The following LIPA variants were observed in gnomAD, a reference collection of about 807,000 sequenced individuals.
LIPA encodes lysosomal acid lipase/cholesteryl ester hydrolase.
Under a neutral mutation model 40.6 loss-of-function variants are expected in LIPA, and 26 were observed. The observed-to-expected ratio is 0.64, with a 90% CI of 0.47 to 0.89. LIPA has a LOEUF of 0.89. Among genes scored for constraint, LIPA ranks in the 40% least tolerant of loss-of-function variants. The pLI, the probability that LIPA is intolerant of heterozygous loss-of-function variation, is 0.00. For missense variants in LIPA, 455 were observed against 479.6 expected (o/e 0.95, Z 0.48); for synonymous variants, 188 against 168.4 (o/e 1.12, Z -0.90).
chr10:89,403,293 G>C, intron 2 of LIPA: 1 of 1,614,134 alleles, frequency 6.2e-7, no homozygotes, highest in Non-Finnish European at 8.5e-7. Flanking sequence ...GCCCACATTT[G>C]AGGTGGCTCA....
intron 1 of LIPA, among the ~76,000 whole-genome samples, chr10:89,314,353 G>C (rs1318288663): frequency 6.6e-6 from 1 of 152,234 alleles, no homozygotes; most frequent in African/African-American, 2.4e-5. Context: ...GTTCAAATCT[G>C]CATGTGTACA....
At position 89,339,277 on chromosome 10, in the gene LIPA, T is replaced by C. The variant is rs1843806564; in HGVS notation, c.-2+3334A>G. ...CATTGAGCTGAGTCCTGATAACCAA[T>C]ACGTCAAGGTTCTCTTGGGCCTGAA... On this transcript the variant is annotated intron_variant, in intron 1 of 5. Coordinates refer to the LIPA transcript ENST00000282673. 2 of 1,614,150 alleles carry C rather than the reference T, an allele frequency of 1.2e-6. No homozygotes were observed. The highest frequency in any genetic ancestry group is 1.7e-5 in the Admixed American group (1 of 60,014).
chr10:89,355,939 T>C (rs1199822364), intron 2 of LIPA, among the ~76,000 whole-genome samples: 1 of 152,236 alleles, frequency 6.6e-6, no homozygotes, highest in South Asian at 2.1e-4. Context: ...AGAATACTCA[T>C]GAATAATCCA....
upstream of LIPA, among the ~76,000 whole-genome samples, chr10:89,345,419 C>T (rs1308339153): frequency 2.0e-5 from 3 of 151,914 alleles, no homozygotes; most frequent in Non-Finnish European, 4.4e-5. Flanking sequence ...ATCTCAGCTA[C>T]TCAGGAGGCT....
At chr10:89,381,287 G>C (rs1349841011) in intron 2 of LIPA, among the ~76,000 whole-genome samples, 1 of 152,050 alleles carries the variant, frequency 6.6e-6, no homozygotes, top group Non-Finnish European at 1.5e-5. Flanking sequence ...GGACGATTTG[G>C]GTCAAAAACT....
chr10:89,393,456 G>A (rs918453480), intron 2 of LIPA: 2 of 462,962 alleles, frequency 4.3e-6, no homozygotes, highest in Non-Finnish European at 7.0e-6. Flanking sequence ...ACTTAGGCCG[G>A]GCAAGGGGGC....
chr10:89,225,259 T>C, intron 5 of LIPA, 31 bp from the exon 6 acceptor site: 1 of 1,613,644 alleles, frequency 6.2e-7, no homozygotes. Flanking sequence ...AAACAGGAAT[T>C]CCATCATCTG....
At chr10:89,293,530 C>A (rs1843389116) in intron 1 of LIPA, 1 of 152,096 alleles carries the variant, frequency 6.6e-6, no homozygotes, top group Admixed American at 6.5e-5. Flanking sequence ...AATGAAAAAT[C>A]ACAGACTAGG....
chr10:89,249,866 T>C (rs1440060507), intron 1 of LIPA, among the ~76,000 whole-genome samples: 5 of 152,212 alleles, frequency 3.3e-5, no homozygotes, highest in South Asian at 2.1e-4. Flanking sequence ...AATTGTACAA[T>C]TGAAATATGC....
At chr10:89,226,838 G>A in intron 5 of LIPA, 57 bp downstream of exon 5, 1 of 1,044,808 alleles carries the variant, frequency 9.6e-7, no homozygotes, top group East Asian at 2.4e-5. Context: ...TTTAAGAAAA[G>A]TACAAACTCT....
At chr10:89,319,368 G>C (rs1302118150) in intron 1 of LIPA, among the ~76,000 whole-genome samples, 1 of 152,178 alleles carries the variant, frequency 6.6e-6, no homozygotes, top group Non-Finnish European at 1.5e-5. Flanking sequence ...AATTAAAAAT[G>C]ATAAAGGGGA....
At chr10:89,237,208 A>G (rs933480638) in intron 3 of LIPA, among the ~76,000 whole-genome samples, 3 of 152,228 alleles carry the variant, frequency 2.0e-5, no homozygotes, top group Non-Finnish European at 4.4e-5. Context: ...TGAGCCAAGG[A>G]GTTTGAGGTT....
intron 8 of LIPA, among the ~76,000 whole-genome samples, chr10:89,217,784 T>C (rs1043743942): frequency 2.2e-4 from 33 of 152,366 alleles, no homozygotes; most frequent in Admixed American, 1.4e-3. Flanking sequence ...TAGAATTGTA[T>C]GCAGTTGATA....
At chr10:89,353,984 C>T (rs1843975426) in intron 2 of LIPA, among the ~76,000 whole-genome samples, 1 of 152,080 alleles carries the variant, frequency 6.6e-6, no homozygotes, top group Admixed American at 6.6e-5. Flanking sequence ...ACTTCACTTC[C>T]CCTTATTCCT....
At chr10:89,332,345 A>G (rs145159149) in intron 1 of LIPA, 7 of 610,132 alleles carry the variant, frequency 1.1e-5, no homozygotes, top group East Asian at 9.4e-5. Context: ...TTCTTTTTAC[A>G]GTGCCTTTTT....
intron 1 of LIPA, among the ~76,000 whole-genome samples, chr10:89,283,256 T>C (rs1843325397): frequency 6.6e-6 from 1 of 152,206 alleles, no homozygotes; most frequent in African/African-American, 2.4e-5. Flanking sequence ...CACTTCCATT[T>C]CTGTACCTCA....
intron 1 of LIPA, among the ~76,000 whole-genome samples, chr10:89,264,249 C>T (rs1276854854): frequency 6.6e-6 from 1 of 152,174 alleles, no homozygotes; most frequent in Non-Finnish European, 1.5e-5. Context: ...TGTCCCACAT[C>T]CAGGAAGAAT....
intron 1 of LIPA, among the ~76,000 whole-genome samples, chr10:89,413,169 T>C (rs58769986): frequency 0.11 from 17,240 of 152,258 alleles, 2,288 homozygotes; most frequent in African/African-American, 0.32. Context: ...GCTCTGTATT[T>C]AGAGTTCATA....
chr10:89,378,016 A>G lies in LIPA; in HGVS notation c.61+34775T>C, dbSNP rs569798442. 7.7e-6 allele frequency: 8 copies of G among 1,034,054 alleles called. No homozygotes were observed. In the Admixed American group the frequency reaches 1.7e-4, roughly 21 times the overall value. 64.1% of individuals were successfully genotyped at this position (1,034,054 alleles called of 1,614,324 possible). A position where few individuals can be genotyped will look rare whatever the true frequency, so the allele number is the denominator to read the frequency against. ...AGGGTGTAAAAAACTGCCTGGATATACCTCCCATATATAAGCACCATGCTT... is the reference window on the plus strand; with the variant it reads ...AGGGTGTAAAAAACTGCCTGGATATGCCTCCCATATATAAGCACCATGCTT... On this transcript the variant is annotated intron_variant, in intron 2 of 8. Coordinates refer to the LIPA transcript ENST00000371837.
Sources: gnomAD v4.1 joint callset for allele counts (sites outside exome capture counted in the v4.1 genomes callset) on GRCh38, gnomAD v4.1.1 for gene constraint, MANE v1.5 for transcripts, NCBI Gene and HGNC (gene_info 2026-07-23, HGNC 2026-07-21) for gene names.